The following STAG2 variants were observed in gnomAD, a reference collection of about 807,000 sequenced individuals.
STAG2 encodes STAG2 cohesin complex component.
In STAG2, 14 loss-of-function variants were observed where a neutral mutation model predicts 108.1. The observed-to-expected ratio is 0.13, with a 90% confidence interval of 0.09 to 0.20. STAG2 has a LOEUF of 0.20. STAG2 is among the 10% of genes least tolerant of loss of function. The probability of loss-of-function intolerance (pLI) is 1.00; values close to 1 mark genes in which losing one functional copy is unlikely to be tolerated. For missense variants in STAG2, 440 were observed against 940.9 expected, an observed-to-expected ratio of 0.47 and a Z score of 6.96; for synonymous variants, 307 against 302.7, an observed-to-expected ratio of 1.01 and a Z score of -0.15.
chrX:124,018,243 T>C (rs1357805255), intron 1 of STAG2, among the ~76,000 whole-genome samples: 1 of 112,420 alleles, frequency 8.9e-6, no homozygotes, highest in African/African-American at 3.2e-5. Flanking sequence ...AGCTCCACCT[T>C]GTGATCTTGG....
At chrX:123,980,996 A>G (rs1236044905) in intron 1 of STAG2, among the ~76,000 whole-genome samples, 1 of 111,473 alleles carries the variant, frequency 9.0e-6, no homozygotes, top group Non-Finnish European at 1.9e-5. Context: ...CTTGGGTAGA[A>G]ATAATGCTGG....
At chrX:123,971,690 TAAAAC>T (rs1166160779) in intron 1 of STAG2, among the ~76,000 whole-genome samples, 1 of 111,842 alleles carries the variant, frequency 8.9e-6, no homozygotes, top group African/African-American at 3.3e-5. Flanking sequence ...CCACCTAAGT[TAAAAC>T]AAAACTCTAA....
chrX:124,044,223 T>G (rs977897109), intron 7 of STAG2, among the ~76,000 whole-genome samples: 1 of 111,226 alleles, frequency 9.0e-6, no homozygotes, highest in African/African-American at 3.3e-5. Flanking sequence ...TTTGAGATAA[T>G]TGTCCTGAAA....
chrX:124,051,074 A>G (rs1298303235), intron 11 of STAG2, 47 bp from the exon 12 acceptor site: 6 of 767,109 alleles, frequency 7.8e-6, no homozygotes, highest in Non-Finnish European at 9.4e-6. Flanking sequence ...TTGAAAATAC[A>G]TAGAGTTTTA....
chrX:124,061,094 C>A, intron 15 of STAG2, 130 bp from the exon 16 acceptor site: 1 of 410,778 alleles, frequency 2.4e-6, no homozygotes, highest in Non-Finnish European at 4.0e-6. Context: ...TCTGTCCTTT[C>A]ATCTATTTGA....
chrX:124,083,635 TCA>T (rs1483927133), intron 29 of STAG2, 86 bp downstream of exon 29: 1 of 785,442 alleles, frequency 1.3e-6, no homozygotes, highest in African/African-American at 2.1e-5. Flanking sequence ...TCCTTTCTAC[TCA>T]CACAGAATTG....
At chrX:124,060,011 G>C (rs1393594545) in intron 15 of STAG2, among the ~76,000 whole-genome samples, 3 of 111,509 alleles carry the variant, frequency 2.7e-5, no homozygotes, top group African/African-American at 9.8e-5. Context: ...AAAGGATTTA[G>C]ATTTAGATTT....
chrX:124,083,353 A>G, intron 28 of STAG2, 68 bp from the exon 29 acceptor site: 1 of 912,707 alleles, frequency 1.1e-6, no homozygotes, highest in Non-Finnish European at 1.4e-6. Flanking sequence ...GAAATTTCCT[A>G]AGTTATTGAC....
intron 5 of STAG2, among the ~76,000 whole-genome samples, chrX:124,036,620 C>T (rs1158921465): frequency 1.8e-5 from 2 of 111,083 alleles, no homozygotes; most frequent in African/African-American, 3.3e-5. Flanking sequence ...TCAAGTGATC[C>T]GCTGGCTTCA....
intron 5 of STAG2, among the ~76,000 whole-genome samples, chrX:124,035,889 T>C (rs998630735): frequency 2.7e-5 from 3 of 112,023 alleles, no homozygotes; most frequent in African/African-American, 9.7e-5. Flanking sequence ...TTTGGAAGCA[T>C]CACTGCATTC....
At chrX:124,078,946 G>C (rs1013840593) in intron 27 of STAG2, among the ~76,000 whole-genome samples, 3 of 107,688 alleles carry the variant, frequency 2.8e-5, no homozygotes, top group African/African-American at 1.0e-4. Flanking sequence ...TCCAGCCTGG[G>C]CGACAGAGTG....
intron 1 of STAG2, among the ~76,000 whole-genome samples, chrX:123,977,832 GTTTTTTTTTTTT>G (rs35569156): frequency 5.2e-5 from 2 of 38,559 alleles, no homozygotes; most frequent in Admixed American, 3.6e-4. Context: ...GTTCCCAAGT[GTTTTTTTTTTTT>G]TTTTTTTTTT....
At chrX:124,040,286 G>T (rs139975544) in intron 6 of STAG2, among the ~76,000 whole-genome samples, 1,665 of 111,325 alleles carry the variant, frequency 0.015, 34 homozygotes, top group African/African-American at 0.052. Flanking sequence ...TGACTGCTCC[G>T]TTGGTGATTC....
chrX:124,095,492 G>A, intron 34 of STAG2, 43 bp downstream of exon 34: 6 of 1,027,711 alleles, frequency 5.8e-6, no homozygotes, highest in East Asian at 3.0e-5. Context: ...AAAATCAGAA[G>A]TATAGGCAGT....
intron 17 of STAG2, 51 bp from the exon 18 acceptor site, chrX:124,062,851 T>G: frequency 1.0e-6 from 1 of 998,478 alleles, no homozygotes. Flanking sequence ...ACTTGAACAC[T>G]TAACAGTGCT....
chrX:124,007,641 A>G (rs764387925), intron 1 of STAG2, among the ~76,000 whole-genome samples: 7 of 112,092 alleles, frequency 6.2e-5, no homozygotes, highest in Non-Finnish European at 1.9e-5. Flanking sequence ...CTTCCTCCTT[A>G]CAACTTGGAA....
chrX:124,063,967 C>T lies in STAG2; in HGVS notation c.1941C>T (p.Phe647=). The change falls in exon 20 of 35, where the codon TTC becomes TTT. Residue 647 remains phenylalanine (F), a synonymous_variant. Transcript: ENST00000371145. ...TCTGTAATGAAGAGTTCACAATCTT[C>T]AACAGAGTAGATATTTCAAGAAGTC... is the stretch of plus-strand genomic sequence containing the variant. ...HALCNEEFTI[F]NRVDISRSQL... The T allele has an allele frequency of 1.7e-6, 2 of 1,209,488 alleles. No homozygotes were observed. Among genetic ancestry groups the T allele is most frequent in the Non-Finnish European group, 2.2e-6 (2 of 893,650 alleles).
chrX:123,972,845 T>TC (rs1227736089), intron 1 of STAG2, among the ~76,000 whole-genome samples: 3 of 41,673 alleles, frequency 7.2e-5, no homozygotes, highest in African/African-American at 1.1e-4. Context: ...ATGGTGAAAC[T>TC]CCCCCCCTCT....
intron 34 of STAG2, chrX:124,097,574 C>A: frequency 4.7e-6 from 1 of 214,177 alleles, no homozygotes; most frequent in Non-Finnish European, 9.9e-6. Context: ...TATTCTAGTG[C>A]ACCTTGACTA....
Sources: gnomAD v4.1 joint callset for allele counts (sites outside exome capture counted in the v4.1 genomes callset) on GRCh38, gnomAD v4.1.1 for gene constraint, MANE v1.5 for transcripts, NCBI Gene and HGNC (gene_info 2026-07-23, HGNC 2026-07-21) for gene names.